AOPEP: variants seen among roughly 807,000 people sequenced by gnomAD.
AOPEP encodes aminopeptidase O.
A neutral mutation model predicts 98.1 loss-of-function variants in AOPEP; 77 were observed. The ratio of observed to expected loss-of-function variants is 0.78; its 90% CI spans 0.65 to 0.95. AOPEP has a LOEUF of 0.95. Ranked by LOEUF, AOPEP falls within the 40% of genes least tolerant of loss-of-function variation. AOPEP has a pLI of 0.00. For synonymous variants in AOPEP, 346 were observed against 365.3 expected, an observed-to-expected ratio of 0.95 and a Z score of 0.60; for missense variants, 1,024 against 1,024.7, an observed-to-expected ratio of 1.00 and a Z score of 0.01.
At chr9:94,818,980 T>C (rs10993357) in intron 5 of AOPEP, among the ~76,000 whole-genome samples, 2,157 of 152,150 alleles carry the variant, frequency 0.014, 48 homozygotes, top group East Asian at 0.089. Flanking sequence ...GGCGACAGAG[T>C]GAGACTCCGT....
chr9:95,108,616 G>C, the AOPEP span, among the ~76,000 whole-genome samples: 15 of 152,264 alleles, frequency 9.9e-5, no homozygotes, highest in East Asian at 5.8e-4. Context: ...TCAGGAGAAA[G>C]ATAAAAGCTT....
chr9:94,733,157 A>C (rs1026523850), intron 1 of AOPEP, among the ~76,000 whole-genome samples: 1 of 132,806 alleles, frequency 7.5e-6, no homozygotes, highest in Non-Finnish European at 1.5e-5. Context: ...CCCAGGCTGG[A>C]GTGCAGTGGC....
intron 7 of AOPEP, among the ~76,000 whole-genome samples, chr9:94,944,312 G>A (rs550082423): frequency 3.3e-5 from 5 of 152,256 alleles, no homozygotes; most frequent in African/African-American, 1.2e-4. Flanking sequence ...ATTCATCATA[G>A]CCCAAAATGG....
Position 95,086,709 on chromosome 9 carries a change from C to A in AOPEP, c.*32C>A, listed in dbSNP as rs183240950. On this transcript the variant is annotated 3_prime_UTR_variant, in exon 17 of 17. Coordinates refer to ENST00000375315, the MANE Select transcript of AOPEP (RefSeq NM_001193329.3). ...AAGACCACAGCAAGATTCTTTCATT[C>A]GTCTCCTCCTAGCCTGGGGGACCAG... 1 of 988,262 alleles carries A rather than the reference C, an allele frequency of 1.0e-6. No homozygotes were observed. The highest frequency in any genetic ancestry group is 1.7e-5 in the African/African-American group (1 of 57,412). 61.2% of individuals were successfully genotyped at this position (988,262 alleles called of 1,614,324 possible).
chr9:95,020,427 C>T (rs189239890), intron 13 of AOPEP, among the ~76,000 whole-genome samples: 1 of 152,218 alleles, frequency 6.6e-6, no homozygotes, highest in African/African-American at 2.4e-5. Flanking sequence ...TAAACTGAGT[C>T]AGATTTTGAG....
At chr9:95,039,394 C>T (rs1357100844) in intron 13 of AOPEP, among the ~76,000 whole-genome samples, 3 of 152,048 alleles carry the variant, frequency 2.0e-5, no homozygotes, top group Non-Finnish European at 4.4e-5. Context: ...TGGTGAAATC[C>T]CATCTCTACA....
intron 1 of AOPEP, among the ~76,000 whole-genome samples, chr9:94,745,976 A>G (rs1834386570): frequency 6.6e-6 from 1 of 152,224 alleles, no homozygotes; most frequent in Non-Finnish European, 1.5e-5. Context: ...GCTAATTTAC[A>G]TTCCCACCAA....
Position 94,972,985 on chromosome 9 carries a change from C to T in AOPEP, c.1916+5184C>T, listed in dbSNP as rs1416750484. ...AGTAACTCTGCACAGCTTTGAGATC[C>T]ACCCACATGTAGAGAGGGAATTTAA... On this transcript the variant is annotated intron_variant, in intron 10 of 16. Transcript: ENST00000375315. The surrounding 1 kb of genome is among the most constrained non-coding windows in gnomAD (Gnocchi z 4.2). Among the ~76,000 whole-genome samples, 1 of 151,956 alleles carries T rather than the reference C, an allele frequency of 6.6e-6. No individual in the cohort carries two copies. The highest frequency in any genetic ancestry group is 1.5e-5 in the Non-Finnish European group (1 of 67,966).
chr9:94,843,254 C>A (rs2042486934), intron 5 of AOPEP, among the ~76,000 whole-genome samples: 1 of 152,138 alleles, frequency 6.6e-6, no homozygotes, highest in East Asian at 1.9e-4. Context: ...CCTAGCCTCC[C>A]CTTCCTGTTT....
At position 94,954,569 on chromosome 9, in the gene AOPEP, G is replaced by A. The variant is rs1158567173; in HGVS notation, c.1662-608G>A. ...ACATGTGGCCCATGGATGGGCTGTG[G>A]GTTGGACAAACTTACTGTAGAACTA... On this transcript the variant is annotated intron_variant, in intron 7 of 16. Coordinates refer to ENST00000375315, the MANE Select transcript of AOPEP (RefSeq NM_001193329.3). Among the ~76,000 whole-genome samples the A allele has an allele frequency of 7.9e-5, 12 of 152,316 alleles. No individual in the cohort carries two copies. In the East Asian group the frequency reaches 1.9e-3, roughly 24 times the overall value.
At chr9:95,012,926 T>C (rs1462643941) in intron 13 of AOPEP, among the ~76,000 whole-genome samples, 1 of 150,440 alleles carries the variant, frequency 6.6e-6, no homozygotes, top group Non-Finnish European at 1.5e-5. Flanking sequence ...TTTTGTTTTT[T>C]TTTTTTAACG....
In AOPEP at chr9:94,883,145, G is replaced by A. The variant is rs574837278; in HGVS notation, c.1365-40841G>A. Among the ~76,000 whole-genome samples the A allele has an allele frequency of 8.5e-5, 13 of 152,242 alleles. No individual in the cohort carries two copies. In the South Asian group the frequency reaches 1.0e-3, roughly 12 times the overall value. On this transcript the variant is annotated intron_variant, in intron 5 of 16. Transcript: ENST00000375315. Reference sequence around the variant, plus strand: ...AACCTCCAGTTACAAACAAGAGAGCGCACACAATTGGCTCTGCAGGTGCCC... The same window carrying A: ...AACCTCCAGTTACAAACAAGAGAGCACACACAATTGGCTCTGCAGGTGCCC...
intron 5 of AOPEP, among the ~76,000 whole-genome samples, chr9:94,911,716 T>C (rs1275861172): frequency 6.6e-6 from 1 of 152,176 alleles, no homozygotes; most frequent in Non-Finnish European, 1.5e-5. Context: ...TGGCCTCGAA[T>C]ACATTAAACT....
chr9:95,079,384 C>T (rs1365759701), intron 14 of AOPEP, among the ~76,000 whole-genome samples: 1 of 152,186 alleles, frequency 6.6e-6, no homozygotes, highest in African/African-American at 2.4e-5. Context: ...AGAGTATCTC[C>T]CTCTTTCACA....
rs149505993 is a variant in AOPEP, at chr9:94,863,303, C to T, written c.1365-60683C>T. The stretch of plus-strand genomic sequence containing the variant: ...CTCTTTTTTTTTTTTTTTTTTGAGA[C>T]GGAGTCTCGCTCTGTCACCCAGGCT... On this transcript the variant is annotated intron_variant, in intron 5 of 16. Transcript: ENST00000375315. 8.1e-4 allele frequency among the ~76,000 whole-genome samples: 98 copies of T among 121,238 alleles called. 2 individuals are homozygous for T. In the East Asian group the frequency reaches 0.024, roughly 29 times the overall value. The allele number at this position is 121,238 out of a possible 152,430, so 79.5% of individuals were successfully genotyped here.
chr9:95,107,210 T>C, the AOPEP span: 1 of 1,614,188 alleles, frequency 6.2e-7, no homozygotes, highest in East Asian at 2.2e-5. Flanking sequence ...GGTCCTGGGC[T>C]GAGAGGCTGC....
chr9:95,086,575 T>C (rs1406897329), intron 16 of AOPEP, 107 bp from the exon 17 acceptor site: 1 of 993,688 alleles, frequency 1.0e-6, no homozygotes, highest in Non-Finnish European at 1.2e-6. Context: ...TGTCCTGTGA[T>C]TAAAGTCCTC....
At chr9:94,822,608 A>G (rs1240253624) in intron 5 of AOPEP, among the ~76,000 whole-genome samples, 1 of 152,044 alleles carries the variant, frequency 6.6e-6, no homozygotes, top group African/African-American at 2.4e-5. Context: ...CTATTTTCCT[A>G]TTCTTTAGTC....
At chr9:94,880,037 G>C (rs1564310830) in intron 5 of AOPEP, among the ~76,000 whole-genome samples, 2 of 152,176 alleles carry the variant, frequency 1.3e-5, no homozygotes, top group Non-Finnish European at 2.9e-5. Flanking sequence ...GCATTGCACT[G>C]TTTATTAAAT....
Sources: gnomAD v4.1 joint callset for allele counts (sites outside exome capture counted in the v4.1 genomes callset) on GRCh38, gnomAD v4.1.1 for gene constraint, Gnocchi (gnomAD v3.1) non-coding constraint, MANE v1.5 for transcripts, NCBI Gene and HGNC (gene_info 2026-07-23, HGNC 2026-07-21) for gene names.